The following NUDT3 variants were observed in gnomAD, a reference collection of about 807,000 sequenced individuals.
NUDT3 encodes the protein diphosphoinositol polyphosphate phosphohydrolase 1.
Under a neutral mutation model 23.6 loss-of-function variants are expected in NUDT3, and 9 were observed. That is an observed-to-expected ratio of 0.38 (90% CI 0.23 to 0.66). The LOEUF is 0.66. Ranked by LOEUF, NUDT3 falls within the 30% of genes least tolerant of loss-of-function variation. NUDT3 has a pLI of 0.52. For synonymous variants in NUDT3, 86 were observed against 82.6 expected (o/e 1.04, Z -0.22); for missense variants, 172 against 218.5 (o/e 0.79, Z 1.34).
intron 2 of NUDT3, among the ~76,000 whole-genome samples, chr6:34,328,530 CT>C (rs1293181102): frequency 7.9e-5 from 12 of 152,070 alleles, no homozygotes; most frequent in Non-Finnish European, 1.6e-4. Flanking sequence ...TCTGTGTATA[CT>C]TTTTTTGTTG....
intron 1 of NUDT3, among the ~76,000 whole-genome samples, chr6:34,387,980 T>C (rs1765135976): frequency 6.6e-6 from 1 of 152,166 alleles, no homozygotes; most frequent in African/African-American, 2.4e-5. Context: ...CTTCCAGTCA[T>C]AATAAGTGTC....
At chr6:34,331,315 T>C (rs1217765209) in intron 2 of NUDT3, among the ~76,000 whole-genome samples, 1 of 152,118 alleles carries the variant, frequency 6.6e-6, no homozygotes, top group Non-Finnish European at 1.5e-5. Flanking sequence ...CCAAACTTTC[T>C]TTTTAAGTTG....
chr6:34,341,801 C>T, intron 2 of NUDT3, 61 bp downstream of exon 2: 1 of 1,486,874 alleles, frequency 6.7e-7, no homozygotes, highest in Non-Finnish European at 9.2e-7. Flanking sequence ...TAAAGAACTA[C>T]ACAGATAGGA....
chr6:34,347,917 C>T (rs961815160), intron 1 of NUDT3, among the ~76,000 whole-genome samples: 1 of 151,878 alleles, frequency 6.6e-6, no homozygotes. Context: ...GTAGGAGGTG[C>T]ACTTGCCAGG....
rs577608456 is a variant in NUDT3 at position 34,329,646 on chromosome 6, T to C, written c.210+12216A>G. Among the ~76,000 whole-genome samples the C allele has an allele frequency of 3.4e-3, 516 of 151,968 alleles. 2 individuals are homozygous for C. Among genetic ancestry groups the C allele is most frequent in the African/African-American group, 9.7e-3 (401 of 41,444 alleles). ...ACAGGAATTAGGATGAGAAGATACT[T>C]AAAAAAAAATTTTTTTTTATTATAC... is the stretch of plus-strand genomic sequence containing the variant. On this transcript the variant is annotated intron_variant, in intron 2 of 4. Transcript: ENST00000607016.
intron 1 of NUDT3, among the ~76,000 whole-genome samples, chr6:34,380,012 A>G (rs2113766710): frequency 6.6e-6 from 1 of 152,240 alleles, no homozygotes; most frequent in African/African-American, 2.4e-5. Flanking sequence ...TTAAAAAAAA[A>G]AAATAGTAAA....
At chr6:34,381,894 G>A (rs1050042877) in intron 1 of NUDT3, among the ~76,000 whole-genome samples, 3 of 151,702 alleles carry the variant, frequency 2.0e-5, no homozygotes, top group Non-Finnish European at 4.4e-5. Flanking sequence ...CCAACATGGT[G>A]AAACCCCAGC....
intron 2 of NUDT3, among the ~76,000 whole-genome samples, chr6:34,319,623 C>G (rs556287273): frequency 1.3e-5 from 2 of 152,272 alleles, no homozygotes; most frequent in Non-Finnish European, 2.9e-5. Flanking sequence ...ATTGGATAGG[C>G]ATGATTGGAC....
intron 4 of NUDT3, among the ~76,000 whole-genome samples, chr6:34,291,860 A>C (rs1483648641): frequency 2.0e-5 from 3 of 152,202 alleles, no homozygotes; most frequent in Non-Finnish European, 4.4e-5. Context: ...TCCATCGGAC[A>C]CATGTCATTC....
At chr6:34,383,126 CA>C (rs557348971) in intron 1 of NUDT3, among the ~76,000 whole-genome samples, 1,581 of 65,008 alleles carry the variant, frequency 0.024, 14 homozygotes, top group African/African-American at 0.06. Flanking sequence ...GACTCCATCT[CA>C]AAAAAAAAAA....
At chr6:34,369,336 G>C (rs1426915659) in intron 1 of NUDT3, among the ~76,000 whole-genome samples, 2 of 152,158 alleles carry the variant, frequency 1.3e-5, no homozygotes, top group Non-Finnish European at 2.9e-5. Context: ...AAAGCATCCT[G>C]AAATCTCTCT....
intron 2 of NUDT3, among the ~76,000 whole-genome samples, chr6:34,320,865 T>C (rs1048982403): frequency 2.0e-5 from 3 of 152,180 alleles, no homozygotes; most frequent in African/African-American, 7.2e-5. Context: ...ACATTAAATA[T>C]ACAGGAAAAA....
intron 1 of NUDT3, among the ~76,000 whole-genome samples, chr6:34,366,568 G>GA (rs1764738397): frequency 6.6e-6 from 1 of 150,558 alleles, no homozygotes. Flanking sequence ...TTACTGTTTT[G>GA]TTTTTTAGAG....
At chr6:34,311,005 AACT>A (rs1381526049) in intron 2 of NUDT3, among the ~76,000 whole-genome samples, 6 of 152,042 alleles carry the variant, frequency 3.9e-5, no homozygotes, top group Admixed American at 6.6e-5. Context: ...AAAAAAAAAA[AACT>A]CTCGACAAAC....
Position 34,285,967 on chromosome 6 carries a change from A to G in NUDT3, c.*2786T>C, listed in dbSNP as rs777089421. On this transcript the variant is annotated 3_prime_UTR_variant, in exon 5 of 5. Transcript: ENST00000607016. Reference sequence around the variant, plus strand: ...TTCACTTTCCTGACCCAAAGACACCAACAACAATCAAAACTGCACTTTCAG... The same window carrying G: ...TTCACTTTCCTGACCCAAAGACACCGACAACAATCAAAACTGCACTTTCAG... The G allele has an allele frequency of 4.6e-5, 7 of 152,236 alleles. No individual in the cohort carries two copies. The highest frequency in any genetic ancestry group is 8.8e-5 in the Non-Finnish European group (6 of 68,038). 9.4% of individuals were successfully genotyped at this position (152,236 alleles called of 1,614,324 possible).
At chr6:34,382,392 G>A (rs1372880715) in intron 1 of NUDT3, among the ~76,000 whole-genome samples, 1 of 152,196 alleles carries the variant, frequency 6.6e-6, no homozygotes, top group Non-Finnish European at 1.5e-5. Context: ...GGCAGACCCA[G>A]ACCCTGTCTC....
At chr6:34,340,586 G>T (rs1764273407) in intron 2 of NUDT3, among the ~76,000 whole-genome samples, 1 of 152,082 alleles carries the variant, frequency 6.6e-6, no homozygotes, top group South Asian at 2.1e-4. Flanking sequence ...TTCTACCCGG[G>T]TTAGCCTCCT....
intron 1 of NUDT3, among the ~76,000 whole-genome samples, chr6:34,390,518 T>A (rs1765180498): frequency 6.6e-6 from 1 of 152,068 alleles, no homozygotes; most frequent in Non-Finnish European, 1.5e-5. Context: ...TTTCTATTTC[T>A]AGTATGATTT....
At chr6:34,354,736 T>C (rs912827566) in intron 1 of NUDT3, among the ~76,000 whole-genome samples, 14 of 135,594 alleles carry the variant, frequency 1.0e-4, no homozygotes, top group Non-Finnish European at 2.0e-4. Flanking sequence ...GGGGAAAAAG[T>C]ATATATATAT....
Sources: gnomAD v4.1 joint callset for allele counts (sites outside exome capture counted in the v4.1 genomes callset) on GRCh38, gnomAD v4.1.1 for gene constraint, MANE v1.5 for transcripts, NCBI Gene and HGNC (gene_info 2026-07-23, HGNC 2026-07-21) for gene names.